KDM4A: variants seen among roughly 807,000 people sequenced by gnomAD.
KDM4A encodes the protein lysine demethylase 4A.
Under a neutral mutation model 127.1 loss-of-function variants are expected in KDM4A, and 23 were observed. That is an observed-to-expected ratio of 0.18 (90% confidence interval 0.13 to 0.26). The LOEUF (loss-of-function observed/expected upper bound fraction) is 0.26. Among genes scored for constraint, KDM4A ranks in the 10% least tolerant of loss-of-function variants. KDM4A has a pLI of 1.00. For missense variants in KDM4A, 890 were observed against 1,329.1 expected (o/e 0.67, Z 5.14); for synonymous variants, 443 against 466.5 (o/e 0.95, Z 0.65).
At chr1:43,657,717 C>CTTTT (rs1190492557) in intron 3 of KDM4A, among the ~76,000 whole-genome samples, 1 of 150,740 alleles carries the variant, frequency 6.6e-6, no homozygotes, top group African/African-American at 2.4e-5. Flanking sequence ...TCTCCTCAGC[C>CTTTT]TTTTTTCCCT....
At chr1:43,670,931 C>G (rs1380352107) in intron 10 of KDM4A, among the ~76,000 whole-genome samples, 1 of 152,054 alleles carries the variant, frequency 6.6e-6, no homozygotes, top group Non-Finnish European at 1.5e-5. Context: ...TCTTGAACTC[C>G]TGGGCTCCAG....
In KDM4A at chr1:43,694,051, A is replaced by T. The variant is rs1014258246; in HGVS notation, c.2433A>T (p.Ala811=). 5.0e-6 allele frequency: 8 copies of T among 1,614,280 alleles called. No individual in the cohort carries two copies. The highest frequency in any genetic ancestry group is 6.8e-6 in the Non-Finnish European group (8 of 1,180,042). Residue 811 remains alanine (A), a synonymous_variant, in exon 17 of 22, where the codon GCA becomes GCT. Coordinates refer to ENST00000372396, the MANE Select transcript of KDM4A (RefSeq NM_014663.3). This position sits in a 1 kb window ranked among gnomAD's most constrained non-coding sequence, Gnocchi z 5.2. ...AILEARFVNI[A]ERSPVDVSKI... ...TGGAAGCAAGGTTTGTCAACATTGC[A>T]GAAAGAAGTCCGGTGGATGTGAGCA... is the stretch of plus-strand genomic sequence containing the variant.
In KDM4A at chr1:43,666,462, A is replaced by C. The variant is rs776002866; in HGVS notation, c.684A>C (p.Pro228=). The C allele has an allele frequency of 1.2e-5, 19 of 1,613,904 alleles. No homozygotes were observed. The African/African-American group carries it at 2.3e-4, about 19-fold the overall frequency. ...RLERLAKGFF[P]GSAQSCEAFL... ...CTTTCAATTAAATAGGCTTTTTCCC[A>C]GGAAGTGCTCAAAGCTGTGAGGCAT... Residue 228 remains proline, a synonymous_variant, in exon 7 of 22, where the codon CCA becomes CCC. Coordinates refer to ENST00000372396, the MANE Select transcript of KDM4A (RefSeq NM_014663.3).
chr1:43,702,925 G>A (rs1661439618), intron 19 of KDM4A, among the ~76,000 whole-genome samples: 1 of 151,908 alleles, frequency 6.6e-6, no homozygotes, highest in East Asian at 2.0e-4. Flanking sequence ...CAGCTACTCG[G>A]GAGGCTGAGG....
intron 13 of KDM4A, 92 bp from the exon 14 acceptor site, chr1:43,690,753 T>C: frequency 9.1e-6 from 11 of 1,213,556 alleles, no homozygotes; most frequent in Non-Finnish European, 1.3e-5. Context: ...GTCAGATCGG[T>C]AAGAGAGCCA....
intron 15 of KDM4A, among the ~76,000 whole-genome samples, 183 bp downstream of exon 15, chr1:43,691,755 C>T (rs373542335): frequency 6.6e-6 from 1 of 152,240 alleles, no homozygotes; most frequent in East Asian, 1.9e-4. Context: ...TGCCCACTTA[C>T]GGAGTCTGGA....
chr1:43,662,255 T>G (rs1369552945), intron 4 of KDM4A, among the ~76,000 whole-genome samples: 1 of 152,074 alleles, frequency 6.6e-6, no homozygotes, highest in East Asian at 1.9e-4. Context: ...TAGAGTTTTT[T>G]TTCTATTTTG....
chr1:43,680,707 C>T (rs944809328), intron 11 of KDM4A, among the ~76,000 whole-genome samples: 6 of 152,232 alleles, frequency 3.9e-5, no homozygotes, highest in Admixed American at 6.5e-5. Context: ...TCAAAGGCAG[C>T]GGCATCCAGC....
intron 13 of KDM4A, chr1:43,690,542 C>G (rs1209939260): frequency 2.3e-6 from 1 of 430,204 alleles, no homozygotes; most frequent in East Asian, 4.8e-5. Context: ...GCCACCTCAC[C>G]TGGCCTCTCA....
At chr1:43,701,131 G>C (rs2154049398) in intron 19 of KDM4A, among the ~76,000 whole-genome samples, 1 of 151,950 alleles carries the variant, frequency 6.6e-6, no homozygotes, top group South Asian at 2.1e-4. Flanking sequence ...ATGTTGTCCA[G>C]GATGGACTCA....
intron 12 of KDM4A, among the ~76,000 whole-genome samples, chr1:43,684,838 G>A (rs533111866): frequency 6.2e-4 from 94 of 152,320 alleles, no homozygotes; most frequent in African/African-American, 1.3e-3. Flanking sequence ...ATAGGCTTCC[G>A]TAATGGTCTG....
intron 10 of KDM4A, among the ~76,000 whole-genome samples, chr1:43,670,257 G>A (rs909560066): frequency 2.6e-5 from 4 of 152,180 alleles, no homozygotes; most frequent in Non-Finnish European, 5.9e-5. Context: ...CAAAGATGTG[G>A]TCTGCCGACA....
chr1:43,697,417 C>T (rs896393865), intron 18 of KDM4A, among the ~76,000 whole-genome samples: 6 of 152,216 alleles, frequency 3.9e-5, no homozygotes, highest in Non-Finnish European at 8.8e-5. Context: ...GTGCCCTAGC[C>T]CTGAGGGTAA....
intron 3 of KDM4A, among the ~76,000 whole-genome samples, chr1:43,658,502 ATTT>A (rs10686056): frequency 4.6e-5 from 6 of 131,812 alleles, no homozygotes; most frequent in African/African-American, 1.2e-4. Context: ...ACTTAGTCAG[ATTT>A]TTTTTTTTTT....
At chr1:43,692,084 CCT>C (rs1661130826) in intron 15 of KDM4A, among the ~76,000 whole-genome samples, 170 bp from the exon 16 acceptor site, 1 of 152,232 alleles carries the variant, frequency 6.6e-6, no homozygotes, top group South Asian at 2.1e-4. Context: ...CCCTGAGTGG[CCT>C]CTCCTTCTGA....
intron 12 of KDM4A, among the ~76,000 whole-genome samples, chr1:43,684,303 G>C (rs1660921102): frequency 6.6e-6 from 1 of 152,168 alleles, no homozygotes; most frequent in African/African-American, 2.4e-5. Context: ...AGGAGATCGA[G>C]ACCATCCTGG....
intron 19 of KDM4A, among the ~76,000 whole-genome samples, chr1:43,703,128 G>A (rs963157953): frequency 3.3e-5 from 5 of 152,024 alleles, no homozygotes; most frequent in Non-Finnish European, 7.4e-5. Context: ...ATTTTTAGTA[G>A]AGATGGGGTT....
rs757035656 is a variant in KDM4A at position 43,669,219 on chromosome 1, C to T, written c.1283C>T (p.Thr428Met). 34 of 1,614,084 alleles carry T rather than the reference C, an allele frequency of 2.1e-5. No homozygotes were observed. Among genetic ancestry groups the T allele is most frequent in the South Asian group, 3.3e-5 (3 of 91,090 alleles). Residue 428 changes from threonine (T) to methionine (M), a missense_variant, in exon 10 of 22, where the codon ACG (threonine) becomes ATG (methionine). Thr to Met is a moderately conservative substitution (Grantham distance 81). This residue lies in a region of KDM4A where 389 missense variants were observed against 485.9 expected (regional missense o/e 0.80). Transcript: ENST00000372396. ...EDLSSEQYEM[T>M]ECPAALAPVR... The stretch of plus-strand genomic sequence containing the variant: ...CTGAGTTCTGAGCAGTATGAGATGA[C>T]GGAGTGCCCGGCAGCCCTCGCCCCT...
intron 11 of KDM4A, among the ~76,000 whole-genome samples, chr1:43,679,921 A>G (rs1660821846): frequency 6.6e-6 from 1 of 152,154 alleles, no homozygotes; most frequent in Non-Finnish European, 1.5e-5. Flanking sequence ...TCTGCCTGCT[A>G]TCCCGCCCTG....
Sources: gnomAD v4.1 joint callset for allele counts (sites outside exome capture counted in the v4.1 genomes callset) on GRCh38, gnomAD v4.1.1 for gene constraint, gnomAD v4.1.1 regional missense constraint, Gnocchi (gnomAD v3.1) non-coding constraint, MANE v1.5 for transcripts, NCBI Gene and HGNC (gene_info 2026-07-23, HGNC 2026-07-21) for gene names.